The following PVALEF variants were observed in gnomAD, a reference collection of about 807,000 sequenced individuals.
The protein encoded by PVALEF is parvalbumin like EF-hand containing.
A neutral mutation model predicts 1.2 loss-of-function variants in PVALEF; 2 were observed. The observed-to-expected ratio is 1.68, with a 90% CI of 0.69 to 5.28. The LOEUF is 5.28. Ranked by LOEUF, PVALEF falls within the 30% of genes most tolerant of loss-of-function variation. PVALEF has a pLI of 0.06. For synonymous variants in PVALEF, 16 were observed against 6.5 expected, an observed-to-expected ratio of 2.47 and a Z score of -2.24; for missense variants, 35 against 17.7, an observed-to-expected ratio of 1.97 and a Z score of -1.75.
At chr17:81,179,464 T>C (rs7223661) in intron 3 of PVALEF, among the ~76,000 whole-genome samples, 2,104 of 152,324 alleles carry the variant, frequency 0.014, 47 homozygotes, top group African/African-American at 0.048. Context: ...GAGGCGGCTG[T>C]GAGCTGGGGC....
intron 2 of PVALEF, among the ~76,000 whole-genome samples, chr17:81,170,118 G>A (rs2061514912): frequency 6.7e-6 from 1 of 148,968 alleles, no homozygotes; most frequent in Non-Finnish European, 1.5e-5. Context: ...CTGCATATGT[G>A]TAGGCATGTG....
chr17:81,170,948 GGGCCCTCAGGCAGGAGGGGCAGCT>G, intron 2 of PVALEF, among the ~76,000 whole-genome samples: 1 of 152,286 alleles, frequency 6.6e-6, no homozygotes, highest in Admixed American at 6.5e-5. Flanking sequence ...TGAGGCAGCA[GGGCCCTCAGGCAGGAGGGGCAGCT>G]GGTGCCTCTT....
chr17:81,169,846 A>G (rs1054397233), intron 2 of PVALEF, among the ~76,000 whole-genome samples: 1 of 151,162 alleles, frequency 6.6e-6, no homozygotes, highest in Admixed American at 6.6e-5. Context: ...TGGTAGGTAT[A>G]TGTGTGTGTG....
At chr17:81,177,342 G>C (rs1025748198) in intron 2 of PVALEF, among the ~76,000 whole-genome samples, 3 of 150,806 alleles carry the variant, frequency 2.0e-5, no homozygotes, top group Admixed American at 6.6e-5. Context: ...GAGGTCAGGA[G>C]TTCAAGACCA....
At chr17:81,173,607 GT>G (rs2061527552) in intron 2 of PVALEF, among the ~76,000 whole-genome samples, 1 of 152,170 alleles carries the variant, frequency 6.6e-6, no homozygotes, top group African/African-American at 2.4e-5. Context: ...CCAAGACTAA[GT>G]CCCAAAGAAA....
chr17:81,179,845 G>T (rs1187853457), intron 3 of PVALEF, among the ~76,000 whole-genome samples: 2 of 152,218 alleles, frequency 1.3e-5, no homozygotes, highest in Admixed American at 6.5e-5. Flanking sequence ...TCTTAGCCCA[G>T]CCTGGAGGCT....
intron 2 of PVALEF, among the ~76,000 whole-genome samples, chr17:81,172,460 G>A (rs553286427): frequency 5.2e-4 from 79 of 152,328 alleles, no homozygotes; most frequent in African/African-American, 1.9e-3. Context: ...GCTTCTCCTG[G>A]TCCAGCAGCA....
chr17:81,174,351 G>T (rs1041720521), intron 2 of PVALEF, among the ~76,000 whole-genome samples: 6 of 152,348 alleles, frequency 3.9e-5, no homozygotes, highest in Non-Finnish European at 7.3e-5. Context: ...AAGTAAGGCT[G>T]GGTGCGGTGG....
chr17:81,170,705 C>G (rs935249690), intron 2 of PVALEF, among the ~76,000 whole-genome samples: 3 of 152,200 alleles, frequency 2.0e-5, no homozygotes, highest in Non-Finnish European at 4.4e-5. Flanking sequence ...TGCCGGGACT[C>G]AGCACCCAAA....
chr17:81,178,306 C>T (rs998311504), intron 2 of PVALEF, among the ~76,000 whole-genome samples: 10 of 152,172 alleles, frequency 6.6e-5, no homozygotes, highest in African/African-American at 1.9e-4. Flanking sequence ...CCCCCGACCC[C>T]GGCAGACAGC....
intron 2 of PVALEF, among the ~76,000 whole-genome samples, chr17:81,167,795 G>A (rs1463643666): frequency 9.2e-5 from 14 of 152,238 alleles, no homozygotes; most frequent in Admixed American, 3.3e-4. Context: ...GGGCGCTGCC[G>A]CCAGGCTGCC....
intron 2 of PVALEF, among the ~76,000 whole-genome samples, chr17:81,168,245 C>T (rs1311191275): frequency 6.6e-6 from 1 of 152,216 alleles, no homozygotes; most frequent in East Asian, 1.9e-4. Flanking sequence ...CCAGAAACAG[C>T]TTGCTGTGAC....
intron 2 of PVALEF, among the ~76,000 whole-genome samples, chr17:81,169,607 T>C (rs2061511243): frequency 6.9e-6 from 1 of 144,298 alleles, no homozygotes. Flanking sequence ...GTGGGCGGGG[T>C]CGCCCCCTCC....
intron 2 of PVALEF, among the ~76,000 whole-genome samples, chr17:81,171,300 T>G (rs2061519614): frequency 6.6e-6 from 1 of 152,096 alleles, no homozygotes; most frequent in South Asian, 2.1e-4. Flanking sequence ...CAGGTGCTGG[T>G]TCCGGGAGCT....
intron 1 of PVALEF, 44 bp from the exon 2 acceptor site, chr17:81,166,633 C>T (rs1290828450): frequency 1.8e-5 from 8 of 451,462 alleles, no homozygotes; most frequent in Non-Finnish European, 3.5e-5. Context: ...GGGAGCACAC[C>T]CAGGGCGGGT....
intron 6 of PVALEF, among the ~76,000 whole-genome samples, chr17:81,182,525 C>T (rs2061558359): frequency 1.3e-5 from 2 of 152,228 alleles, no homozygotes; most frequent in Non-Finnish European, 2.9e-5. Context: ...CTAGAAACCC[C>T]AGCAAACCTG....
At chr17:81,174,140 C>CAACCATCCATGGTGATAAA (rs1201992640) in intron 2 of PVALEF, among the ~76,000 whole-genome samples, 2 of 152,172 alleles carry the variant, frequency 1.3e-5, no homozygotes, top group Non-Finnish European at 2.9e-5. Flanking sequence ...GAAACTACCT[C>CAACCATCCATGGTGATAAA]AACCATCCAT....
At chr17:81,177,897 G>C (rs1250170784) in intron 2 of PVALEF, among the ~76,000 whole-genome samples, 1 of 152,208 alleles carries the variant, frequency 6.6e-6, no homozygotes, top group African/African-American at 2.4e-5. Flanking sequence ...CTGGGGCCAG[G>C]GAGGGCTCAG....
rs1053322651 is a variant in PVALEF at position 81,181,138 on chromosome 17, C to T, written c.-89C>T. 2.6e-5 allele frequency: 18 copies of T among 686,394 alleles called. No homozygotes were observed. Among genetic ancestry groups the T allele is most frequent in the African/African-American group, 3.5e-5 (2 of 56,912 alleles). 42.5% of individuals were successfully genotyped at this position (686,394 alleles called of 1,614,324 possible). On this transcript the variant is annotated 5_prime_UTR_variant, in exon 4 of 7. It adds an upstream start codon to the 5' untranslated region. Transcript: ENST00000637878. ...CACTTTACAGCAGGATCCAGCACCA[C>T]GCGGCGTCTACGTCTGCTCTGGCCC... is the stretch of plus-strand genomic sequence containing the variant.
Sources: allele counts gnomAD v4.1 joint callset (sites outside exome capture counted in the v4.1 genomes callset), GRCh38; gene constraint gnomAD v4.1.1; transcripts MANE v1.5; gene names NCBI Gene and HGNC (gene_info 2026-07-23, HGNC 2026-07-21).